The following RNF121 variants were observed in gnomAD, a reference collection of about 807,000 sequenced individuals.
RNF121 encodes the protein ring finger protein 121, also known as E3 ubiquitin ligase RNF121.
RNF121 carries 21 observed loss-of-function variants against 46.5 expected under a neutral mutation model. The ratio of observed to expected loss-of-function variants is 0.45; its 90% confidence interval spans 0.32 to 0.65. The LOEUF (loss-of-function observed/expected upper bound fraction) is 0.65. Ranked by LOEUF, RNF121 falls within the 30% of genes least tolerant of loss-of-function variation. The pLI is 0.04. For synonymous variants in RNF121, 139 were observed against 144.7 expected, an observed-to-expected ratio of 0.96 and a Z score of 0.28; for missense variants, 346 against 416.0, an observed-to-expected ratio of 0.83 and a Z score of 1.46.
At chr11:71,980,466 C>T (rs1319889734) in intron 3 of RNF121, among the ~76,000 whole-genome samples, 12 of 152,226 alleles carry the variant, frequency 7.9e-5, no homozygotes, top group Admixed American at 7.2e-4. Context: ...CCTGCCTCAG[C>T]CTCCCAAGTA....
chr11:71,935,068 A>G (rs891798063), intron 1 of RNF121, among the ~76,000 whole-genome samples: 12 of 151,458 alleles, frequency 7.9e-5, no homozygotes. Flanking sequence ...CAGCCTGCCA[A>G]GTAGCTGGGA....
At chr11:71,929,742 C>T (rs1340426113) in intron 1 of RNF121, among the ~76,000 whole-genome samples, 3 of 152,130 alleles carry the variant, frequency 2.0e-5, no homozygotes, top group Non-Finnish European at 4.4e-5. Context: ...AACATTATGA[C>T]TTTTGCTCCG....
In RNF121 at chr11:71,969,492, TC is replaced by T. The variant is rs1954372827; in HGVS notation, c.243+8602del. The stretch of plus-strand genomic sequence containing the variant: ...TAATGGAAACTTAAGTGGTATGTTT[TC>T]TTTTTTTTGGCTAAGTTTGTGTTAG... On this transcript the variant is annotated intron_variant, in intron 3 of 8. Transcript: ENST00000361756. 2.0e-5 allele frequency among the ~76,000 whole-genome samples: 3 copies of T among 152,136 alleles called. No individual in the cohort carries two copies. In the South Asian group the frequency reaches 6.2e-4, roughly 31 times the overall value.
In RNF121 at chr11:71,936,144, A is replaced by G. The variant is rs1953404413; in HGVS notation, c.63+7020A>G. ...TTATAGGCGTGAGATTATAGGCGTA[A>G]ACTGCTGCGCCTGGCCTATAATTAT... On this transcript the variant is annotated intron_variant, in intron 1 of 8. Coordinates refer to ENST00000361756, the MANE Select transcript of RNF121 (RefSeq NM_018320.5). 1.3e-5 allele frequency among the ~76,000 whole-genome samples: 2 copies of G among 151,960 alleles called. 1 individual carries two copies. The highest frequency in any genetic ancestry group is 4.1e-4 in the South Asian group (2 of 4,824).
At chr11:71,933,747 T>A (rs893427496) in intron 1 of RNF121, among the ~76,000 whole-genome samples, 1 of 152,230 alleles carries the variant, frequency 6.6e-6, no homozygotes, top group Non-Finnish European at 1.5e-5. Flanking sequence ...AGAGTCCAAG[T>A]GTATCTTGCT....
At chr11:71,940,040 G>T (rs1306733634) in intron 1 of RNF121, among the ~76,000 whole-genome samples, 1 of 152,214 alleles carries the variant, frequency 6.6e-6, no homozygotes, top group African/African-American at 2.4e-5. Context: ...CATTTAGGCT[G>T]ATTCTTAAAA....
intron 5 of RNF121, among the ~76,000 whole-genome samples, chr11:71,989,289 G>A (rs187718377): frequency 2.0e-5 from 3 of 152,142 alleles, no homozygotes; most frequent in East Asian, 3.9e-4. Flanking sequence ...CCATGCTGGC[G>A]AGGCTGGTTT....
rs56134788 is a variant in RNF121, at chr11:71,984,745, A to AT, written c.398+1855dup. 1.0e-3 allele frequency among the ~76,000 whole-genome samples: 97 copies of AT among 94,866 alleles called. 1 individual carries two copies. Among genetic ancestry groups the AT allele is most frequent in the South Asian group, 4.6e-3 (12 of 2,614 alleles). The allele number at this position is 94,866 out of a possible 152,430, so 62.2% of individuals were successfully genotyped here. A position where few individuals can be genotyped will look rare whatever the true frequency, so the allele number is the denominator to read the frequency against. ...AGGTGTGTGCCGCCACACCCGGCTAATTTTTTTTTTTTTTTTTTTTTTTTT... is the reference window on the plus strand; with the variant it reads ...AGGTGTGTGCCGCCACACCCGGCTAATTTTTTTTTTTTTTTTTTTTTTTTTT... On this transcript the variant is annotated intron_variant, in intron 4 of 8. Coordinates refer to ENST00000361756, the MANE Select transcript of RNF121 (RefSeq NM_018320.5).
At chr11:71,950,516 G>C (rs1031699312) in intron 1 of RNF121, among the ~76,000 whole-genome samples, 2 of 150,846 alleles carry the variant, frequency 1.3e-5, no homozygotes, top group African/African-American at 2.4e-5. Context: ...CCCAGGAGGT[G>C]GAGGTTGCAG....
rs1954845760 is a variant in RNF121, at chr11:71,990,578, T to C, written c.507-19T>C. On this transcript the variant is annotated intron_variant, in intron 5 of 8. Coordinates refer to ENST00000361756, the MANE Select transcript of RNF121 (RefSeq NM_018320.5). ...ATGTCTCAGGGTGGGTCTTTCTAGC[T>C]CTAATGCTTCCCTTGCAGGATCAAA... The C allele has an allele frequency of 6.2e-7, 1 of 1,613,392 alleles. No individual in the cohort carries two copies. Among genetic ancestry groups the C allele is most frequent in the Non-Finnish European group, 8.5e-7 (1 of 1,179,606 alleles).
intron 1 of RNF121, among the ~76,000 whole-genome samples, chr11:71,931,739 TA>T (rs1953282191): frequency 6.6e-6 from 1 of 152,178 alleles, no homozygotes; most frequent in South Asian, 2.1e-4. Context: ...TTGAGTCAGC[TA>T]GGGGGAGTCA....
At chr11:71,982,458 A>C (rs543083584) in intron 3 of RNF121, among the ~76,000 whole-genome samples, 1 of 152,134 alleles carries the variant, frequency 6.6e-6, no homozygotes, top group Non-Finnish European at 1.5e-5. Flanking sequence ...CCTCAAAAGG[A>C]TGGACACTGA....
chr11:71,979,513 G>GT (rs1229091153), intron 3 of RNF121, among the ~76,000 whole-genome samples: 5 of 151,950 alleles, frequency 3.3e-5, no homozygotes, highest in African/African-American at 9.7e-5. Context: ...TCTAGATGTA[G>GT]TTTTTTCATC....
chr11:71,958,441 G>T (rs3886589), intron 2 of RNF121, among the ~76,000 whole-genome samples: 135,138 of 152,186 alleles, frequency 0.89, 60,254 homozygotes, highest in Non-Finnish European at 0.94. Context: ...CTAATGGACT[G>T]AAGCTATAAG....
chr11:71,974,750 T>G (rs1424315763), intron 3 of RNF121, among the ~76,000 whole-genome samples: 2 of 152,178 alleles, frequency 1.3e-5, no homozygotes, highest in Non-Finnish European at 2.9e-5. Context: ...TCAGGTACTT[T>G]CTCAACCTCC....
At position 71,995,563 on chromosome 11, in the gene RNF121, TGGG is replaced by T. The variant is rs1196569328; in HGVS notation, c.863+14_863+16del. 3.8e-6 allele frequency: 6 copies of T among 1,566,010 alleles called. No homozygotes were observed. Among genetic ancestry groups the T allele is most frequent in the Non-Finnish European group, 5.2e-6 (6 of 1,152,312 alleles). On this transcript the variant is annotated intron_variant, in intron 8 of 8. Coordinates refer to ENST00000361756, the MANE Select transcript of RNF121 (RefSeq NM_018320.5). ...ATGTTCAGCAATCCGTATCCTTTATTGGGGTCGTTGTTGGGAGTGGGCTGTGGG... is the reference window on the plus strand; with the variant it reads ...ATGTTCAGCAATCCGTATCCTTTATTGTCGTTGTTGGGAGTGGGCTGTGGG...
chr11:71,982,610 C>T, intron 3 of RNF121, 151 bp from the exon 4 acceptor site: 1 of 734,088 alleles, frequency 1.4e-6, no homozygotes, highest in South Asian at 2.6e-5. Context: ...TCCTAAGTCT[C>T]TGACTTGGAT....
intron 1 of RNF121, among the ~76,000 whole-genome samples, chr11:71,933,611 G>A (rs1015455497): frequency 1.3e-5 from 2 of 152,166 alleles, no homozygotes; most frequent in African/African-American, 4.8e-5. Context: ...GGATTTTTCT[G>A]TTATAGTCCA....
intron 1 of RNF121, among the ~76,000 whole-genome samples, chr11:71,942,277 T>C (rs1013845184): frequency 6.6e-6 from 1 of 152,086 alleles, no homozygotes; most frequent in Admixed American, 6.5e-5. Flanking sequence ...TGATGTGAGC[T>C]GATTTTCATT....
Sources: allele counts gnomAD v4.1 joint callset (sites outside exome capture counted in the v4.1 genomes callset), GRCh38; gene constraint gnomAD v4.1.1; transcripts MANE v1.5; gene names NCBI Gene and HGNC (gene_info 2026-07-23, HGNC 2026-07-21).